Variants in FCN2 observed in about 807,000 individuals in gnomAD.
FCN2 encodes ficolin-2.
In FCN2, 31 loss-of-function variants were observed where a neutral mutation model predicts 32.5. The ratio of observed to expected loss-of-function variants is 0.96; its 90% CI spans 0.72 to 1.29. The LOEUF (loss-of-function observed/expected upper bound fraction) is 1.29. Ranked by LOEUF, FCN2 falls within the 50% of genes most tolerant of loss-of-function variation. The pLI is 0.00. For synonymous variants in FCN2, 181 were observed against 164.5 expected, an observed-to-expected ratio of 1.10 and a Z score of -0.77; for missense variants, 412 against 406.5, an observed-to-expected ratio of 1.01 and a Z score of -0.12.
At chr9:134,881,716 T>C (rs991226593) in intron 1 of FCN2, among the ~76,000 whole-genome samples, 1 of 152,036 alleles carries the variant, frequency 6.6e-6, no homozygotes, top group Non-Finnish European at 1.5e-5. Flanking sequence ...ATCCGTGGCG[T>C]GAAGTGTGAC....
rs751974543 is a variant in FCN2 at position 134,885,867 on chromosome 9, A to G, written c.529A>G (p.Asn177Asp). The change falls in exon 6 of 8, where the codon AAT becomes GAT. Residue 177 changes from asparagine to aspartate, a missense_variant. Transcript: ENST00000291744. Reference sequence around the variant, plus strand: ...TCGGCTGGGGGAGTTCTGGCTGGGGAATGACAACATCCACGCCCTGACCGC... The same window carrying G: ...TCGGCTGGGGGAGTTCTGGCTGGGGGATGACAACATCCACGCCCTGACCGC... ...GSRLGEFWLG[N>D]DNIHALTAQG... 6.2e-7 allele frequency: 1 copy of G among 1,613,404 alleles called. No individual in the cohort carries two copies. The highest frequency in any genetic ancestry group is 8.5e-7 in the Non-Finnish European group (1 of 1,179,808).
In FCN2 at chr9:134,887,425, G is replaced by A; in HGVS notation, c.*10G>A. ...GGTGCGACCTGCCTAGCCCAGGCCG[G>A]CCTCAGGGTCAGGACGCCTCCACAC... On this transcript the variant is annotated 3_prime_UTR_variant, in exon 8 of 8. Transcript: ENST00000291744. The A allele has an allele frequency of 6.2e-7, 1 of 1,613,864 alleles. No individual in the cohort carries two copies. The highest frequency in any genetic ancestry group is 8.5e-7 in the Non-Finnish European group (1 of 1,179,844).
At chr9:134,883,543 G>A (rs1284086597) in intron 3 of FCN2, among the ~76,000 whole-genome samples, 188 bp downstream of exon 3, 4 of 148,478 alleles carry the variant, frequency 2.7e-5, no homozygotes, top group Non-Finnish European at 5.9e-5. Context: ...CAATGTGTGT[G>A]TGGGTTCTCA....
chr9:134,886,618 G>A (rs940869685), intron 7 of FCN2, 54 bp downstream of exon 7: 14 of 1,604,264 alleles, frequency 8.7e-6, no homozygotes, highest in Admixed American at 1.7e-5. Flanking sequence ...GGTTTGGGAA[G>A]TGGAGAGAGC....
rs529386021 is a variant in FCN2 at position 134,887,513 on chromosome 9, G to A, written c.*98G>A. The A allele has an allele frequency of 5.4e-4, 646 of 1,198,008 alleles. 1 individual carries two copies. Among genetic ancestry groups the A allele is most frequent in the Non-Finnish European group, 7.1e-4 (586 of 825,028 alleles). The allele number at this position is 1,198,008 out of a possible 1,614,324, so 74.2% of individuals were successfully genotyped here. ...ACGGTTTGTAAAAGAAACACATGTCGTGATTCTAAATTGGGTTTGTCTTGC... is the reference window on the plus strand; with the variant it reads ...ACGGTTTGTAAAAGAAACACATGTCATGATTCTAAATTGGGTTTGTCTTGC... On this transcript the variant is annotated 3_prime_UTR_variant, in exon 8 of 8. Transcript: ENST00000291744.
At chr9:134,866,033 G>T in the FCN2 span, among the ~76,000 whole-genome samples, 1 of 151,398 alleles carries the variant, frequency 6.6e-6, no homozygotes, top group South Asian at 2.1e-4. Context: ...TGGGTAGGAA[G>T]AATCAATATT....
At chr9:134,870,550 G>A in the FCN2 span, among the ~76,000 whole-genome samples, 7 of 152,066 alleles carry the variant, frequency 4.6e-5, no homozygotes, top group African/African-American at 1.5e-4. This position sits in a 1 kb window ranked among gnomAD's most constrained non-coding sequence, Gnocchi z 4.3. Flanking sequence ...AAGTGCCCTC[G>A]GGGGGTGCCC....
At chr9:134,869,364 T>G in the FCN2 span, among the ~76,000 whole-genome samples, 1 of 152,228 alleles carries the variant, frequency 6.6e-6, no homozygotes, top group Non-Finnish European at 1.5e-5. Context: ...GCCAGAAAGC[T>G]GAGCCCACAA....
upstream of FCN2, among the ~76,000 whole-genome samples, chr9:134,877,075 T>C (rs974986254): frequency 7.9e-5 from 12 of 152,260 alleles, no homozygotes; most frequent in African/African-American, 2.9e-4. Flanking sequence ...TTTTCTTCAG[T>C]CTGACTAGAG....
the FCN2 span, among the ~76,000 whole-genome samples, chr9:134,873,100 G>C: frequency 6.8e-6 from 1 of 146,594 alleles, no homozygotes; most frequent in Non-Finnish European, 1.5e-5. Flanking sequence ...CTTTCACATT[G>C]TGTGCCTGTT....
Position 134,885,760 on chromosome 9 carries a change from C to T in FCN2, c.430-8C>T, listed in dbSNP as rs775765381. The T allele has an allele frequency of 3.1e-6, 5 of 1,613,908 alleles. No homozygotes were observed. In the African/African-American group the frequency reaches 5.3e-5, roughly 17 times the overall value. On this transcript the variant is annotated splice_polypyrimidine_tract_variant and splice_region_variant and intron_variant, in intron 5 of 7. Coordinates refer to ENST00000291744, the MANE Select transcript of FCN2 (RefSeq NM_004108.3). The stretch of plus-strand genomic sequence containing the variant: ...CCCCCCGGCTCCTGTCCCCTGGCTT[C>T]TCCACAGGTTTTCCAGCGGAGGGTG...
In FCN2 at chr9:134,885,302, A is replaced by T. The variant is rs1204811044; in HGVS notation, c.365A>T (p.Tyr122Phe). 47 of 1,613,776 alleles carry T rather than the reference A, an allele frequency of 2.9e-5. No homozygotes were observed. The Admixed American group carries it at 7.8e-4, about 27-fold the overall frequency. ...TTCCTGAGCGGCTGGCACACCATCT[A>T]CCTGCCCGACTGCCGGCCCCTGACT... ...GHFLSGWHTI[Y>F]LPDCRPLTVL... Residue 122 changes from tyrosine (Y) to phenylalanine (F), a missense_variant, in exon 5 of 8, where the codon TAC becomes TTC. Physicochemically the swap from Tyr to Phe is conservative, Grantham distance 22. Transcript: ENST00000291744.
the FCN2 span, among the ~76,000 whole-genome samples, chr9:134,868,692 C>T: frequency 6.6e-6 from 1 of 152,226 alleles, no homozygotes; most frequent in Admixed American, 6.5e-5. This position sits in a 1 kb window ranked among gnomAD's most constrained non-coding sequence, Gnocchi z 4.3. Context: ...GAAGCCCCAG[C>T]GTGCCTCCCT....
At chr9:134,870,898 A>G in the FCN2 span, among the ~76,000 whole-genome samples, 3 of 152,050 alleles carry the variant, frequency 2.0e-5, 1 homozygote, top group Admixed American at 6.5e-5. This position sits in a 1 kb window ranked among gnomAD's most constrained non-coding sequence, Gnocchi z 4.3. Flanking sequence ...CTCACTGCAC[A>G]GGTCTCCCCC....
intron 3 of FCN2, among the ~76,000 whole-genome samples, chr9:134,883,715 G>A (rs1226344625): frequency 6.7e-6 from 1 of 150,240 alleles, no homozygotes; most frequent in Admixed American, 6.6e-5. Context: ...TGTTGGGGGA[G>A]GGGTTCCCGG....
upstream of FCN2, among the ~76,000 whole-genome samples, chr9:134,880,195 C>T (rs1830643351): frequency 6.6e-6 from 1 of 152,192 alleles, no homozygotes; most frequent in African/African-American, 2.4e-5. Flanking sequence ...AGGCTCCCCA[C>T]TCTTCTCTCC....
At chr9:134,876,695 C>T (rs1830606291), upstream of FCN2, among the ~76,000 whole-genome samples, 1 of 152,226 alleles carries the variant, frequency 6.6e-6, no homozygotes, top group African/African-American at 2.4e-5. Context: ...TCTCCTGCCT[C>T]AGCCTCCCGA....
At chr9:134,878,317 G>C (rs1229454538), upstream of FCN2, among the ~76,000 whole-genome samples, 1 of 152,164 alleles carries the variant, frequency 6.6e-6, no homozygotes, top group African/African-American at 2.4e-5. Flanking sequence ...GCCATGAACT[G>C]GCCATGTGCC....
rs1347967661 is a variant in FCN2, at chr9:134,883,302, G to A, written c.215G>A (p.Gly72Glu). 2 of 1,612,670 alleles carry A rather than the reference G, an allele frequency of 1.2e-6. No homozygotes were observed. Among genetic ancestry groups the A allele is most frequent in the Non-Finnish European group, 1.7e-6 (2 of 1,178,816 alleles). The stretch of plus-strand genomic sequence containing the variant: ...AAGTCAGTGTCTTTGGAAATTGCAG[G>A]AGAACGTGGCCCCCCTGGACCTCCT... ...KGEAGTNGKR[G>E]ERGPPGPPGK... The change falls in exon 3 of 8, where the codon GGA becomes GAA. Residue 72 changes from glycine to glutamate, a missense_variant and splice_region_variant. Physicochemically the swap from Gly to Glu is moderately conservative, Grantham distance 98. Coordinates refer to ENST00000291744, the MANE Select transcript of FCN2 (RefSeq NM_004108.3).
Sources: gnomAD v4.1 joint callset for allele counts (sites outside exome capture counted in the v4.1 genomes callset) on GRCh38, gnomAD v4.1.1 for gene constraint, Gnocchi (gnomAD v3.1) non-coding constraint, MANE v1.5 for transcripts, NCBI Gene and HGNC (gene_info 2026-07-23, HGNC 2026-07-21) for gene names.